Variants in NEB observed in about 807,000 individuals in gnomAD.
NEB encodes nemaline myopathy type 2.
NEB carries 512 observed loss-of-function variants against 952.2 expected under a neutral mutation model. That is an observed-to-expected ratio of 0.54 (90% CI 0.50 to 0.58). The LOEUF (loss-of-function observed/expected upper bound fraction) is 0.58. NEB is among the 20% of genes least tolerant of loss of function. The pLI is 0.00. For missense variants in NEB, 8,428 were observed against 9,231.1 expected (o/e 0.91, Z 3.56); for synonymous variants, 2,900 against 3,149.8 (o/e 0.92, Z 2.66).
At chr2:151,516,827 C>T (rs1360676121) in intron 156 of NEB, among the ~76,000 whole-genome samples, 1 of 152,140 alleles carries the variant, frequency 6.6e-6, no homozygotes, top group Non-Finnish European at 1.5e-5. Context: ...CAAGAGCCAG[C>T]TGAGAGAAAT....
chr2:151,491,181 A>C lies in NEB; in HGVS notation c.25150+502T>G, dbSNP rs183945135. 364 of 158,610 alleles carry C rather than the reference A, an allele frequency of 2.3e-3. 2 individuals carry two copies. The highest frequency in any genetic ancestry group is 3.1e-3 in the Non-Finnish European group (226 of 72,060). The allele number at this position is 158,610 out of a possible 1,614,324, so 9.8% of individuals were successfully genotyped here. On this transcript the variant is annotated intron_variant, in intron 179 of 181. Coordinates refer to ENST00000397345, the MANE Select transcript of NEB (RefSeq NM_001164508.2). ...GAACAGCTGGTACTACAGGTGTACA[A>C]CACCACTCGCGGCTAATTTTTTTTT...
chr2:151,634,025 T>A, intron 64 of NEB, 60 bp from the exon 65 acceptor site: 1 of 1,536,406 alleles, frequency 6.5e-7, no homozygotes, highest in Non-Finnish European at 8.8e-7. Flanking sequence ...CACAAGTCTG[T>A]GCAAAATCAA....
chr2:151,694,274 A>C (rs1457484120), intron 20 of NEB, 49 bp downstream of exon 20: 1 of 1,494,134 alleles, frequency 6.7e-7, no homozygotes. Context: ...ATTAAACAGC[A>C]ACTTTGTGGC....
intron 46 of NEB, 37 bp downstream of exon 46, chr2:151,662,098 T>C: frequency 6.5e-7 from 1 of 1,541,300 alleles, no homozygotes; most frequent in Non-Finnish European, 8.9e-7. Context: ...GGATTCTCTC[T>C]GATGCATATG....
chr2:151,711,437 G>T (rs1273714341), intron 10 of NEB, among the ~76,000 whole-genome samples: 1 of 152,168 alleles, frequency 6.6e-6, no homozygotes, highest in African/African-American at 2.4e-5. Context: ...TAAGGAAAAA[G>T]AAAATGTCTT....
At chr2:151,635,044 A>G (rs1254976545) in intron 64 of NEB, among the ~76,000 whole-genome samples, 1 of 152,198 alleles carries the variant, frequency 6.6e-6, no homozygotes, top group Non-Finnish European at 1.5e-5. Context: ...GAGATTGTTC[A>G]GAGTCCCAAC....
chr2:151,653,295 A>G (rs2099050994), intron 52 of NEB, among the ~76,000 whole-genome samples: 2 of 152,358 alleles, frequency 1.3e-5, no homozygotes, highest in African/African-American at 4.8e-5. Flanking sequence ...TATGCAGAAT[A>G]TCTAAGTAAA....
rs2072346645 is a variant in NEB at position 151,509,585 on chromosome 2, A to T, written c.23347-1476T>A. On this transcript the variant is annotated intron_variant, in intron 161 of 181. Transcript: ENST00000397345. ...GCTATTTCTCGTGGCCCAATAATGA[A>T]ATGCAGATGAACTGGGGAGGAAGAG... is the stretch of plus-strand genomic sequence containing the variant. Among the ~76,000 whole-genome samples the T allele has an allele frequency of 1.3e-5, 2 of 152,096 alleles. 1 individual carries two copies. The highest frequency in any genetic ancestry group is 4.2e-4 in the South Asian group (2 of 4,810).
At chr2:151,687,804 T>C (rs896922524) in intron 25 of NEB, 71 bp from the exon 26 acceptor site, 24 of 1,394,988 alleles carry the variant, frequency 1.7e-5, no homozygotes, top group African/African-American at 2.9e-5. Flanking sequence ...TAAAAACATA[T>C]TGAAAATTTG....
At position 151,614,276 on chromosome 2, in the gene NEB, A is replaced by C; in HGVS notation, c.11601T>G (p.Asp3867Glu). 1 of 1,612,258 alleles carries C rather than the reference A, an allele frequency of 6.2e-7. No homozygotes were observed. The highest frequency in any genetic ancestry group is 8.5e-7 in the Non-Finnish European group (1 of 1,178,410). The stretch of plus-strand genomic sequence containing the variant: ...ACTGAAGAATATTAGAGCCACTCAC[A>C]TCACTCTGCAGGTCATAGGCCTTCC... ...QARKAYDLQS[D>E]AIYKSDLEWL... Residue 3867 changes from aspartate to glutamate, a missense_variant and splice_region_variant, in exon 77 of 182, where the codon GAT becomes GAG. Asp to Glu is a conservative substitution (Grantham distance 45, BLOSUM62 2). Coordinates refer to ENST00000397345, the MANE Select transcript of NEB (RefSeq NM_001164508.2).
At position 151,670,030 on chromosome 2, in the gene NEB, G is replaced by A. The variant is rs1418596549; in HGVS notation, c.4507-899C>T. The stretch of plus-strand genomic sequence containing the variant: ...CTGCCAAGTTTCCAGCTTGAGTAAC[G>A]AGGTAGATGTTGATGGCATTTATTG... On this transcript the variant is annotated intron_variant, in intron 38 of 181. Coordinates refer to ENST00000397345, the MANE Select transcript of NEB (RefSeq NM_001164508.2). 2.6e-5 allele frequency among the ~76,000 whole-genome samples: 4 copies of A among 152,208 alleles called. 1 individual carries two copies. The highest frequency in any genetic ancestry group is 4.1e-4 in the South Asian group (2 of 4,830).
chr2:151,542,050 C>T (rs1394460791), intron 135 of NEB, among the ~76,000 whole-genome samples: 1 of 152,172 alleles, frequency 6.6e-6, no homozygotes, highest in Admixed American at 6.5e-5. Flanking sequence ...TCCCACCTAC[C>T]CACATCAGTG....
chr2:151,649,994 C>G (rs1223855114), intron 54 of NEB, among the ~76,000 whole-genome samples, 182 bp downstream of exon 54: 1 of 152,000 alleles, frequency 6.6e-6, no homozygotes, highest in Non-Finnish European at 1.5e-5. Flanking sequence ...TGACACTGAC[C>G]CATTTTTACA....
chr2:151,694,586 A>G lies in NEB; in HGVS notation c.1718T>C (p.Phe573Ser), dbSNP rs767710795. The G allele has an allele frequency of 3.1e-6, 5 of 1,605,514 alleles. No homozygotes were observed. The South Asian group carries it at 5.6e-5, about 18-fold the overall frequency. ...GGGAATGGCATCCACTTTAATGTCA[A>G]ACTTTTTGGCTTTGCTCTTCTCCCA... ...QDWEKSKAKKFDIKVDAIPLL... is the reference protein window; with the variant it reads ...QDWEKSKAKKSDIKVDAIPLL... The change falls in exon 19 of 182, where the codon TTT becomes TCT. Residue 573 changes from phenylalanine (F) to serine (S), a missense_variant. Phe to Ser is a radical substitution (Grantham distance 155). Around this residue, in one of 11 missense-constraint regions of NEB, gnomAD observed 2,851 missense variants for 2,791.5 expected, o/e 1.02. Coordinates refer to ENST00000397345, the MANE Select transcript of NEB (RefSeq NM_001164508.2).
rs74802483 is a variant in NEB, at chr2:151,716,942, C to T, written c.822+474G>A. Among the ~76,000 whole-genome samples the T allele has an allele frequency of 3.8e-3, 578 of 152,340 alleles. 10 individuals are homozygous for T. The East Asian group carries it at 0.057, about 15-fold the overall frequency. ...ACTGCCTAAATATAGGTAGACTAAG[C>T]TGTTTGTTAGGGCCTTAAAAGTTAT... On this transcript the variant is annotated intron_variant, in intron 10 of 181. Coordinates refer to ENST00000397345, the MANE Select transcript of NEB (RefSeq NM_001164508.2).
chr2:151,632,511 A>T (rs980444558), intron 65 of NEB, among the ~76,000 whole-genome samples: 6 of 151,978 alleles, frequency 3.9e-5, no homozygotes, highest in Non-Finnish European at 8.8e-5. Context: ...CCCCATCTCC[A>T]CTAAAAATAC....
At chr2:151,650,985 G>T (rs2099023113) in intron 52 of NEB, 100 bp from the exon 53 acceptor site, 2 of 1,194,016 alleles carry the variant, frequency 1.7e-6, no homozygotes, top group Admixed American at 2.4e-5. Context: ...TGAGACAGGG[G>T]TCTATGTTTC....
intron 105 of NEB, among the ~76,000 whole-genome samples, chr2:151,577,318 T>G (rs2096908297): frequency 6.6e-6 from 1 of 152,176 alleles, no homozygotes; most frequent in Non-Finnish European, 1.5e-5. Flanking sequence ...TGTGTCCTGA[T>G]CACACAGCCT....
chr2:151,625,416 G>T, intron 71 of NEB, 118 bp downstream of exon 71: 2 of 610,450 alleles, frequency 3.3e-6, no homozygotes, highest in South Asian at 3.5e-5. Context: ...AGGGTAAATG[G>T]CATAAAAAGC....
Sources: gnomAD v4.1 joint callset for allele counts (sites outside exome capture counted in the v4.1 genomes callset) on GRCh38, gnomAD v4.1.1 for gene constraint, gnomAD v4.1.1 regional missense constraint, MANE v1.5 for transcripts, NCBI Gene and HGNC (gene_info 2026-07-23, HGNC 2026-07-21) for gene names.